UNC13C: variants seen among roughly 807,000 people sequenced by gnomAD.
UNC13C encodes unc-13 homolog C, also known as protein unc-13 homolog C.
In UNC13C, 174 loss-of-function variants were observed where a neutral mutation model predicts 245.4. The observed-to-expected ratio is 0.71, with a 90% CI of 0.63 to 0.80. The LOEUF is 0.80. Ranked by LOEUF, UNC13C falls within the 30% of genes least tolerant of loss-of-function variation. UNC13C has a pLI of 0.00. For missense variants in UNC13C, 2,829 were observed against 2,602.9 expected, an observed-to-expected ratio of 1.09 and a Z score of -1.89; for synonymous variants, 992 against 895.1, an observed-to-expected ratio of 1.11 and a Z score of -1.93.
At chr15:54,265,600 C>G (rs1446799922) in intron 10 of UNC13C, 104 bp downstream of exon 10, 5 of 901,832 alleles carry the variant, frequency 5.5e-6, no homozygotes, top group African/African-American at 1.7e-5. Flanking sequence ...TTAATAATCT[C>G]TTACCCAAAA....
At chr15:54,607,974 C>A (rs917513073) in intron 30 of UNC13C, among the ~76,000 whole-genome samples, 3 of 152,126 alleles carry the variant, frequency 2.0e-5, no homozygotes, top group Non-Finnish European at 2.9e-5. Context: ...TATTTCATAA[C>A]TTCTCCTCAA....
chr15:54,175,208 C>T (rs2033565736), intron 4 of UNC13C, among the ~76,000 whole-genome samples: 1 of 152,158 alleles, frequency 6.6e-6, no homozygotes, highest in South Asian at 2.1e-4. Context: ...ATCTCTCCAT[C>T]AGCTTTTCTT....
chr15:54,037,386 G>C (rs1001423114), intron 2 of UNC13C, among the ~76,000 whole-genome samples: 1 of 152,076 alleles, frequency 6.6e-6, no homozygotes, highest in Non-Finnish European at 1.5e-5. Flanking sequence ...TTCTACAGCT[G>C]TAAAATTGCG....
chr15:54,421,414 C>G (rs2040640914), intron 19 of UNC13C, among the ~76,000 whole-genome samples: 3 of 151,988 alleles, frequency 2.0e-5, no homozygotes, highest in Admixed American at 1.3e-4. Context: ...TTGACTTCTT[C>G]CAAGGATCCA....
chr15:54,356,729 A>C (rs1227392250), intron 17 of UNC13C, among the ~76,000 whole-genome samples: 1 of 152,220 alleles, frequency 6.6e-6, no homozygotes, highest in Non-Finnish European at 1.5e-5. Flanking sequence ...GGAATACTTT[A>C]GCAATAAAAC....
intron 17 of UNC13C, among the ~76,000 whole-genome samples, chr15:54,356,339 C>T (rs1224652675): frequency 6.6e-6 from 1 of 152,048 alleles, no homozygotes; most frequent in Non-Finnish European, 1.5e-5. Context: ...AATTTTCAGT[C>T]CCTCCGGCAA....
chr15:54,355,171 T>TGG (rs5812755), intron 17 of UNC13C, among the ~76,000 whole-genome samples: 36,108 of 152,010 alleles, frequency 0.24, 4,501 homozygotes, highest in East Asian at 0.32. Context: ...GAAATAAATG[T>TGG]ATTTTCTTTA....
At chr15:54,202,722 T>A (rs559234975) in intron 4 of UNC13C, among the ~76,000 whole-genome samples, 107 of 152,016 alleles carry the variant, frequency 7.0e-4, no homozygotes, top group Non-Finnish European at 1.3e-3. Context: ...TTCTAGAAGA[T>A]AACATTGGAA....
At chr15:54,498,744 A>C (rs1478435947) in intron 20 of UNC13C, among the ~76,000 whole-genome samples, 1 of 152,170 alleles carries the variant, frequency 6.6e-6, no homozygotes, top group Non-Finnish European at 1.5e-5. Flanking sequence ...TTATGAGAGA[A>C]ATTTAAGATG....
intron 27 of UNC13C, among the ~76,000 whole-genome samples, chr15:54,548,208 CTTTTTTTTTTTTTTTT>C (rs60975842): frequency 3.2e-4 from 20 of 61,944 alleles, no homozygotes; most frequent in African/African-American, 7.0e-4. Context: ...GTTTCTTTTG[CTTTTTTTTTTTTTTTT>C]TTTTTTTTTT....
At chr15:54,503,459 CAG>C (rs1200047569) in intron 22 of UNC13C, among the ~76,000 whole-genome samples, 2 of 144,092 alleles carry the variant, frequency 1.4e-5, no homozygotes, top group African/African-American at 5.2e-5. Flanking sequence ...CTTTTTGAGA[CAG>C]AGTCTCACTC....
At chr15:53,976,475 C>CTTTTTTTTTTTTT (rs879775519), upstream of UNC13C, among the ~76,000 whole-genome samples, 281 of 63,574 alleles carry the variant, frequency 4.4e-3, 1 homozygote, top group Non-Finnish European at 6.8e-3. Flanking sequence ...CTCTCTCTCT[C>CTTTTTTTTTTTTT]TCTTTTTTTT....
chr15:54,426,505 T>A (rs1355538349), intron 19 of UNC13C, among the ~76,000 whole-genome samples: 1 of 149,786 alleles, frequency 6.7e-6, no homozygotes, highest in Non-Finnish European at 1.5e-5. Flanking sequence ...CAAAAAAAAA[T>A]AAAAGTTGTA....
chr15:54,205,804 TCAGAGTTTATTGTAGGACACAA>T (rs1360673644), intron 4 of UNC13C, among the ~76,000 whole-genome samples: 2 of 152,050 alleles, frequency 1.3e-5, no homozygotes, highest in Non-Finnish European at 2.9e-5. Context: ...AGCACACATC[TCAGAGTTTATTGTAGGACACAA>T]CAGTAGTGTG....
intron 2 of UNC13C, among the ~76,000 whole-genome samples, chr15:54,016,636 C>T (rs1895672902): frequency 6.6e-6 from 1 of 152,146 alleles, no homozygotes; most frequent in African/African-American, 2.4e-5. Flanking sequence ...CTTGTGGGAA[C>T]AACTTTGGAT....
intron 30 of UNC13C, among the ~76,000 whole-genome samples, chr15:54,617,526 G>A (rs528132549): frequency 2.6e-4 from 40 of 152,116 alleles, no homozygotes; most frequent in African/African-American, 9.6e-4. Context: ...TCTGTAAAAT[G>A]TAAACAATAC....
At chr15:54,479,132 C>A (rs1256978306) in intron 19 of UNC13C, among the ~76,000 whole-genome samples, 1 of 151,918 alleles carries the variant, frequency 6.6e-6, no homozygotes, top group Admixed American at 6.6e-5. Flanking sequence ...ATATGCTGTC[C>A]AGTGCTTCAA....
At chr15:53,994,886 G>A (rs753403201) in intron 1 of UNC13C, among the ~76,000 whole-genome samples, 80 of 152,078 alleles carry the variant, frequency 5.3e-4, no homozygotes, top group Non-Finnish European at 9.7e-4. Flanking sequence ...CCTGAACTAA[G>A]GTGGTAGCTC....
chr15:54,456,345 G>A (rs1891523114), intron 19 of UNC13C, among the ~76,000 whole-genome samples: 1 of 151,870 alleles, frequency 6.6e-6, no homozygotes. Flanking sequence ...GCTCCTTTTT[G>A]GTTCCATATG....
Sources: gnomAD v4.1 joint callset for allele counts (sites outside exome capture counted in the v4.1 genomes callset) on GRCh38, gnomAD v4.1.1 for gene constraint, MANE v1.5 for transcripts, NCBI Gene and HGNC (gene_info 2026-07-23, HGNC 2026-07-21) for gene names.